The following FMO3 variants were observed in gnomAD, a reference collection of about 807,000 sequenced individuals.
FMO3 encodes flavin containing dimethylaniline monoxygenase 3.
FMO3 carries 40 observed loss-of-function variants against 39.4 expected under a neutral mutation model. The ratio of observed to expected loss-of-function variants is 1.02; its 90% CI spans 0.79 to 1.32. The LOEUF is 1.32. Among genes scored for constraint, FMO3 ranks in the 40% most tolerant of loss-of-function variants. FMO3 has a pLI of 0.00. For synonymous variants in FMO3, 219 were observed against 228.8 expected, an observed-to-expected ratio of 0.96 and a Z score of 0.39; for missense variants, 680 against 651.8, an observed-to-expected ratio of 1.04 and a Z score of -0.47.
intron 1 of FMO3, among the ~76,000 whole-genome samples, chr1:171,091,528 A>C (rs1328670371): frequency 2.6e-5 from 4 of 152,156 alleles, no homozygotes. Context: ...TAATTTTCTT[A>C]GAGGGGAATG....
At position 171,094,322 on chromosome 1, in the gene FMO3, T is replaced by C. The variant is rs149507711; in HGVS notation, c.132+1532T>C. On this transcript the variant is annotated intron_variant, in intron 2 of 8. Transcript: ENST00000367755. ...TTTGTAATGGTGTTATCTGTGCTTC[T>C]TTAAAATTGAGTTGCTTGAGTTCCT... Among the ~76,000 whole-genome samples the C allele has an allele frequency of 3.9e-5, 6 of 152,294 alleles. No homozygotes were observed. The East Asian group carries it at 7.7e-4, about 20-fold the overall frequency.
rs1557941614 is a variant in FMO3, at chr1:171,107,739, C to A, written c.386C>A (p.Thr129Asn). 1 of 1,613,336 alleles carries A rather than the reference C, an allele frequency of 6.2e-7. No individual in the cohort carries two copies. The highest frequency in any genetic ancestry group is 8.5e-7 in the Non-Finnish European group (1 of 1,179,382). The change falls in exon 4 of 9, where the codon ACT becomes AAT. Residue 129 changes from threonine (T) to asparagine (N), a missense_variant. Transcript: ENST00000367755. ...ACTACTGGCCAGTGGGATGTTACCA[C>A]TGAAAGGGATGGTAAAAAAGAATCG... is the stretch of plus-strand genomic sequence containing the variant. ...FATTGQWDVTTERDGKKESAV... is the reference protein window; with the variant it reads ...FATTGQWDVTNERDGKKESAV...
At chr1:171,105,779 T>G (rs1655610043) in intron 3 of FMO3, among the ~76,000 whole-genome samples, 1 of 152,110 alleles carries the variant, frequency 6.6e-6, no homozygotes, top group East Asian at 1.9e-4. Flanking sequence ...AATTTAAAAT[T>G]CAGTTACATT....
chr1:171,114,600 C>G, intron 7 of FMO3, among the ~76,000 whole-genome samples: 1 of 152,184 alleles, frequency 6.6e-6, no homozygotes, highest in East Asian at 1.9e-4. Flanking sequence ...CTTCTTACAG[C>G]TGATAATTAC....
chr1:171,117,176 C>CCCAA lies in FMO3; in HGVS notation c.1335_1338dup (p.Ile447GlnfsTer22). 6.2e-7 allele frequency: 1 copy of CCCAA among 1,614,162 alleles called. No individual in the cohort carries two copies. Among genetic ancestry groups the CCCAA allele is most frequent in the Non-Finnish European group, 8.5e-7 (1 of 1,179,988 alleles). On this transcript the variant is annotated frameshift_variant, in exon 9 of 9. Transcript: ENST00000367755. LOFTEE classifies it low-confidence loss of function (END_TRUNC). ...ACTCTCCTCCTTCATTGGGGCAAAG[C>CCCAA]CCAACATCCCATGGCTGTTTCTCAC... is the stretch of plus-strand genomic sequence containing the variant.
Position 171,092,803 on chromosome 1 carries a change from T to C in FMO3, c.132+13T>C, listed in dbSNP as rs371276117. On this transcript the variant is annotated intron_variant, in intron 2 of 8. Transcript: ENST00000367755. Reference sequence around the variant, plus strand: ...GTGGAAATTTTCAGTGAGTAGCATGTTGTTGTAATAGACAGGAAAATAGGT... The same window carrying C: ...GTGGAAATTTTCAGTGAGTAGCATGCTGTTGTAATAGACAGGAAAATAGGT... 25 of 1,613,428 alleles carry C rather than the reference T, an allele frequency of 1.5e-5. No homozygotes were observed. Among genetic ancestry groups the C allele is most frequent in the Middle Eastern group, 3.4e-4 (2 of 5,884 alleles).
intron 2 of FMO3, among the ~76,000 whole-genome samples, chr1:171,093,052 T>C (rs16828308): frequency 0.018 from 2,745 of 152,238 alleles, 72 homozygotes; most frequent in African/African-American, 0.062. Flanking sequence ...GACATAAAAT[T>C]AGTGGTAAAT....
rs771545560 is a variant in FMO3, at chr1:171,103,775, A to G, written c.133-10A>G. 1 of 1,608,832 alleles carries G rather than the reference A, an allele frequency of 6.2e-7. No homozygotes were observed. The highest frequency in any genetic ancestry group is 8.5e-7 in the Non-Finnish European group (1 of 1,175,280). Reference sequence around the variant, plus strand: ...CCAATTCGCTTCCATTTGATACTATACATTCACAGGACCATGCAGAGGAGG... The same window carrying G: ...CCAATTCGCTTCCATTTGATACTATGCATTCACAGGACCATGCAGAGGAGG... On this transcript the variant is annotated splice_polypyrimidine_tract_variant and intron_variant, in intron 2 of 8. Transcript: ENST00000367755.
chr1:171,116,163 A>G lies in FMO3; in HGVS notation c.1184-45A>G, dbSNP rs1035553487. On this transcript the variant is annotated intron_variant, in intron 7 of 8. Transcript: ENST00000367755. ...AAAGGGAAAATTACAGGCTGGTCCT[A>G]TGCCAGACTCATTAATTACCATCGT... 5.9e-6 allele frequency: 7 copies of G among 1,189,906 alleles called. No individual in the cohort carries two copies. The African/African-American group carries it at 1.2e-4, about 20-fold the overall frequency. The allele number at this position is 1,189,906 out of a possible 1,614,324, so 73.7% of individuals were successfully genotyped here.
chr1:171,100,999 A>G (rs1655355252), intron 2 of FMO3: 7 of 397,638 alleles, frequency 1.8e-5, no homozygotes, highest in South Asian at 1.3e-4. Context: ...TAACACAAAG[A>G]GAAGAGAGAA....
rs184102984 is a variant in FMO3 at position 171,108,929 on chromosome 1, A to G, written c.627+708A>G. Among the ~76,000 whole-genome samples the G allele has an allele frequency of 1.8e-3, 275 of 152,320 alleles. 5 individuals carry two copies. The highest frequency in any genetic ancestry group is 4.4e-4 in the Non-Finnish European group (30 of 68,038). On this transcript the variant is annotated intron_variant, in intron 5 of 8. Coordinates refer to ENST00000367755, the MANE Select transcript of FMO3 (RefSeq NM_001002294.3). Reference sequence around the variant, plus strand: ...ATAAATATAAATCATGAGACTGAAGAGGCGACAGAAGCTGTTCTTAGAATT... The same window carrying G: ...ATAAATATAAATCATGAGACTGAAGGGGCGACAGAAGCTGTTCTTAGAATT...
intron 2 of FMO3, chr1:171,101,666 G>A (rs961451706): frequency 4.2e-6 from 2 of 478,502 alleles, no homozygotes; most frequent in African/African-American, 2.0e-5. Flanking sequence ...TTCTAGTTCT[G>A]ACTTCTAACC....
chr1:171,099,555 G>C (rs970955818), intron 2 of FMO3, among the ~76,000 whole-genome samples: 1 of 151,784 alleles, frequency 6.6e-6, no homozygotes, highest in African/African-American at 2.4e-5. Flanking sequence ...AATATTTATA[G>C]TAATCCTATA....
At chr1:171,107,909 C>G in intron 4 of FMO3, 72 bp downstream of exon 4, 1 of 1,508,180 alleles carries the variant, frequency 6.6e-7, no homozygotes, top group Non-Finnish European at 9.2e-7. Context: ...CTTCTTTTTT[C>G]TAAAAGTATA....
chr1:171,110,854 T>C lies in FMO3; in HGVS notation c.684T>C (p.Gly228=), dbSNP rs934652609. 3.3e-5 allele frequency: 54 copies of C among 1,613,892 alleles called. No homozygotes were observed. Among genetic ancestry groups the C allele is most frequent in the Non-Finnish European group, 4.5e-5 (53 of 1,179,952 alleles). ...TGATGAGCCGGGTCTGGGACAATGGTTATCCTTGGGACATGCTGCTCGTCA... is the reference window on the plus strand; with the variant it reads ...TGATGAGCCGGGTCTGGGACAATGGCTATCCTTGGGACATGCTGCTCGTCA... ...SWVMSRVWDN[G]YPWDMLLVTR... The change falls in exon 6 of 9, where the codon GGT becomes GGC. Residue 228 remains glycine, a synonymous_variant. Transcript: ENST00000367755.
chr1:171,115,249 A>T (rs914397805), intron 7 of FMO3, among the ~76,000 whole-genome samples: 3 of 152,184 alleles, frequency 2.0e-5, no homozygotes, highest in African/African-American at 7.2e-5. Context: ...GGGAAAATTG[A>T]TGTACACGGC....
intron 2 of FMO3, among the ~76,000 whole-genome samples, chr1:171,095,982 ATATTTT>A (rs1654966908): frequency 7.3e-5 from 5 of 68,434 alleles, no homozygotes; most frequent in African/African-American, 1.2e-4. Flanking sequence ...TTATATAGAT[ATATTTT>A]ATATATTTTT....
At position 171,092,730 on chromosome 1, in the gene FMO3, G is replaced by A. The variant is rs1196176790; in HGVS notation, c.72G>A (p.Glu24=). The stretch of plus-strand genomic sequence containing the variant: ...CCTCCATCAGGAGCTGTCTGGAAGA[G>A]GGGCTGGAGCCCACCTGCTTTGAGA... ...GLASIRSCLE[E]GLEPTCFEKS... is the part of the protein sequence containing the mutation. The change falls in exon 2 of 9, where the codon GAG becomes GAA. Residue 24 remains glutamate (E), a synonymous_variant. Transcript: ENST00000367755. 4 of 1,614,028 alleles carry A rather than the reference G, an allele frequency of 2.5e-6. No homozygotes were observed. The highest frequency in any genetic ancestry group is 1.3e-5 in the African/African-American group (1 of 74,944).
intron 6 of FMO3, among the ~76,000 whole-genome samples, chr1:171,113,238 A>G (rs1035104506): frequency 7.9e-5 from 12 of 152,332 alleles, no homozygotes; most frequent in African/African-American, 2.9e-4. Context: ...TACAGATATT[A>G]TTGAATAAAA....
Sources: allele counts gnomAD v4.1 joint callset (sites outside exome capture counted in the v4.1 genomes callset), GRCh38; gene constraint gnomAD v4.1.1; transcripts MANE v1.5; gene names NCBI Gene and HGNC (gene_info 2026-07-23, HGNC 2026-07-21).